Variants in GPC5 observed in about 807,000 individuals in gnomAD.
GPC5 encodes glypican 5, also known as glypican-5.
In GPC5, 47 loss-of-function variants were observed where a neutral mutation model predicts 53.9. That is an observed-to-expected ratio of 0.87 (90% CI 0.69 to 1.11). The LOEUF is 1.11. GPC5 is among the 50% of genes most tolerant of loss of function. GPC5 has a pLI of 0.00. For missense variants in GPC5, 748 were observed against 713.1 expected, an observed-to-expected ratio of 1.05 and a Z score of -0.56; for synonymous variants, 286 against 263.3, an observed-to-expected ratio of 1.09 and a Z score of -0.84.
intron 7 of GPC5, among the ~76,000 whole-genome samples, chr13:92,189,759 G>A (rs1272884431): frequency 1.3e-5 from 2 of 152,072 alleles, no homozygotes; most frequent in African/African-American, 4.8e-5. Flanking sequence ...TGTAACCAGA[G>A]AGGTAGAAAT....
intron 7 of GPC5, among the ~76,000 whole-genome samples, chr13:92,740,066 T>A (rs1889044336): frequency 6.6e-6 from 1 of 151,974 alleles, no homozygotes; most frequent in African/African-American, 2.4e-5. Flanking sequence ...CTTCCTTCCC[T>A]ATCCTCTTCT....
At chr13:91,543,939 A>G (rs1041133350) in intron 2 of GPC5, among the ~76,000 whole-genome samples, 2 of 152,200 alleles carry the variant, frequency 1.3e-5, no homozygotes, top group Non-Finnish European at 2.9e-5. Context: ...CTAACATGGA[A>G]GAAAATGAGA....
At chr13:91,864,243 T>C (rs2039060998) in intron 5 of GPC5, among the ~76,000 whole-genome samples, 2 of 152,188 alleles carry the variant, frequency 1.3e-5, no homozygotes, top group Admixed American at 1.3e-4. Flanking sequence ...AGATAGTAGT[T>C]TTCTTTGAAA....
intron 2 of GPC5, among the ~76,000 whole-genome samples, chr13:91,574,020 A>G (rs2032042708): frequency 6.6e-6 from 1 of 152,180 alleles, no homozygotes; most frequent in Admixed American, 6.5e-5. Flanking sequence ...CAAAATTTGT[A>G]GAAAAAAGAT....
intron 5 of GPC5, among the ~76,000 whole-genome samples, chr13:91,901,789 T>C (rs2039500059): frequency 6.6e-6 from 1 of 152,010 alleles, no homozygotes; most frequent in African/African-American, 2.4e-5. Flanking sequence ...ATAAAACCAG[T>C]GTTTAATCTC....
At chr13:92,209,041 T>C (rs1043150549) in intron 7 of GPC5, among the ~76,000 whole-genome samples, 10 of 152,188 alleles carry the variant, frequency 6.6e-5, no homozygotes, top group South Asian at 2.1e-4. Context: ...AGCAGCTACA[T>C]TGAGATTTTG....
chr13:92,396,715 C>A (rs151154198), intron 7 of GPC5, among the ~76,000 whole-genome samples: 30 of 152,176 alleles, frequency 2.0e-4, no homozygotes, highest in African/African-American at 6.7e-4. Flanking sequence ...TGTTATCTTG[C>A]CTTTTACATG....
chr13:91,666,677 C>A (rs2035121398), intron 2 of GPC5, among the ~76,000 whole-genome samples: 1 of 151,966 alleles, frequency 6.6e-6, no homozygotes, highest in Non-Finnish European at 1.5e-5. Context: ...AAAGTAAATT[C>A]TATATTTCTT....
chr13:91,763,686 C>G (rs990865685), intron 5 of GPC5, among the ~76,000 whole-genome samples: 1 of 152,134 alleles, frequency 6.6e-6, no homozygotes, highest in Non-Finnish European at 1.5e-5. Context: ...TATAATATCC[C>G]TATGCCACAG....
intron 2 of GPC5, among the ~76,000 whole-genome samples, chr13:91,483,818 A>C (rs910811729): frequency 6.6e-6 from 1 of 152,222 alleles, no homozygotes; most frequent in East Asian, 1.9e-4. Flanking sequence ...GTTTTTTCTC[A>C]TCAACATTAC....
intron 7 of GPC5, among the ~76,000 whole-genome samples, chr13:92,432,774 A>C (rs984989639): frequency 3.9e-5 from 6 of 152,000 alleles, no homozygotes; most frequent in Non-Finnish European, 7.4e-5. Context: ...AAACATCAAG[A>C]GTTTGGTTGA....
At chr13:92,108,821 C>T (rs2138923596) in intron 6 of GPC5, among the ~76,000 whole-genome samples, 1 of 152,186 alleles carries the variant, frequency 6.6e-6, no homozygotes, top group East Asian at 1.9e-4. Flanking sequence ...TCAGTATCAC[C>T]AGGCCACTTC....
chr13:91,824,263 G>A (rs1187495388), intron 5 of GPC5, among the ~76,000 whole-genome samples: 1 of 151,952 alleles, frequency 6.6e-6, no homozygotes, highest in African/African-American at 2.4e-5. Context: ...GAGAAAGACA[G>A]AAAGATGAGA....
chr13:92,791,843 T>C (rs1192995613), intron 7 of GPC5, among the ~76,000 whole-genome samples: 1 of 152,150 alleles, frequency 6.6e-6, no homozygotes, highest in Non-Finnish European at 1.5e-5. Flanking sequence ...AACTTTGTAG[T>C]AGAAACATAT....
At chr13:92,350,154 C>A (rs989944433) in intron 7 of GPC5, among the ~76,000 whole-genome samples, 1 of 152,016 alleles carries the variant, frequency 6.6e-6, no homozygotes, top group African/African-American at 2.4e-5. Flanking sequence ...TTATTAGATG[C>A]AGAAAAAAGC....
chr13:92,704,028 T>C (rs1887858273), intron 7 of GPC5, among the ~76,000 whole-genome samples: 1 of 152,072 alleles, frequency 6.6e-6, no homozygotes, highest in Non-Finnish European at 1.5e-5. Flanking sequence ...ATTATCCTCA[T>C]TGGAAATAAA....
At chr13:91,920,699 C>T (rs994536312) in intron 6 of GPC5, among the ~76,000 whole-genome samples, 23 of 151,980 alleles carry the variant, frequency 1.5e-4, no homozygotes, top group African/African-American at 5.3e-4. Context: ...AAATTGATTG[C>T]ATAAAAAAAC....
At position 92,494,973 on chromosome 13, in the gene GPC5, T is replaced by A. The variant is rs150851598; in HGVS notation, c.1561+349984T>A. 2.7e-3 allele frequency among the ~76,000 whole-genome samples: 415 copies of A among 152,348 alleles called. 1 individual carries two copies. Among genetic ancestry groups the A allele is most frequent in the African/African-American group, 9.5e-3 (396 of 41,578 alleles). On this transcript the variant is annotated intron_variant, in intron 7 of 7. Transcript: ENST00000377067. ...TTGTGAGATACTTAAAATTTCTGCC[T>A]TCACTATTCCTTCTTGTATCTCAGA...
intron 7 of GPC5, among the ~76,000 whole-genome samples, chr13:92,434,477 G>C (rs982902645): frequency 6.6e-6 from 1 of 152,028 alleles, no homozygotes; most frequent in African/African-American, 2.4e-5. Flanking sequence ...CCTTGATAAA[G>C]AGAAAAATAC....
Sources: gnomAD v4.1 joint callset for allele counts (sites outside exome capture counted in the v4.1 genomes callset) on GRCh38, gnomAD v4.1.1 for gene constraint, MANE v1.5 for transcripts, NCBI Gene and HGNC (gene_info 2026-07-23, HGNC 2026-07-21) for gene names.